The following HOMER1 variants were observed in gnomAD, a reference collection of about 807,000 sequenced individuals.
HOMER1 encodes homer protein homolog 1.
Under a neutral mutation model 48.9 loss-of-function variants are expected in HOMER1, and 3 were observed. That is an observed-to-expected ratio of 0.06 (90% CI 0.03 to 0.16). HOMER1 has a LOEUF of 0.16. Among genes scored for constraint, HOMER1 ranks in the 10% least tolerant of loss-of-function variants. The pLI is 1.00. For missense variants in HOMER1, 247 were observed against 411.4 expected, an observed-to-expected ratio of 0.60 and a Z score of 3.46; for synonymous variants, 134 against 146.4, an observed-to-expected ratio of 0.92 and a Z score of 0.61.
chr5:79,439,880 A>G (rs754868744), intron 4 of HOMER1, among the ~76,000 whole-genome samples: 1 of 152,196 alleles, frequency 6.6e-6, no homozygotes, highest in South Asian at 2.1e-4. Flanking sequence ...TGAATTTAAA[A>G]TGAAGCTCAA....
At position 79,493,265 on chromosome 5, in the gene HOMER1, A is replaced by AT. The variant is rs775733060; in HGVS notation, c.5+19504dup. On this transcript the variant is annotated intron_variant, in intron 1 of 8. Transcript: ENST00000334082. ...TCTACTGTGCTCTTCAGGTACAATA[A>AT]TAACTAGATTTAGACGGCTTCAAGA... Among the ~76,000 whole-genome samples, 23 of 152,286 alleles carry AT rather than the reference A, an allele frequency of 1.5e-4. 1 individual carries two copies. Among genetic ancestry groups the AT allele is most frequent in the Admixed American group, 7.2e-4 (11 of 15,294 alleles).
intron 1 of HOMER1, among the ~76,000 whole-genome samples, chr5:79,501,933 A>G (rs1356110628): frequency 6.6e-6 from 1 of 152,208 alleles, no homozygotes; most frequent in African/African-American, 2.4e-5. Context: ...CCAATCTTGA[A>G]AAGAATAAGA....
chr5:79,402,132 T>C (rs1749548734), intron 5 of HOMER1, 77 bp from the exon 6 acceptor site: 3 of 1,201,096 alleles, frequency 2.5e-6, no homozygotes, highest in Non-Finnish European at 3.5e-6. Flanking sequence ...GACTCAGTTC[T>C]ATTGTAGGGT....
intron 5 of HOMER1, 115 bp downstream of exon 5, chr5:79,438,895 A>G: frequency 1.4e-6 from 1 of 733,210 alleles, no homozygotes; most frequent in East Asian, 2.8e-5. Context: ...AAAAAAAAAA[A>G]GTCAAAGTCA....
At chr5:79,388,901 G>C (rs977055671) in intron 8 of HOMER1, among the ~76,000 whole-genome samples, 2 of 151,806 alleles carry the variant, frequency 1.3e-5, no homozygotes, top group African/African-American at 4.8e-5. Flanking sequence ...CATTAGAACA[G>C]AACTAGTATT....
intron 1 of HOMER1, 110 bp from the exon 2 acceptor site, chr5:79,457,128 T>C: frequency 2.0e-6 from 2 of 987,400 alleles, no homozygotes; most frequent in Non-Finnish European, 3.1e-6. Flanking sequence ...AATTTCCACA[T>C]ACCTGAAAGT....
At chr5:79,510,827 C>T in intron 1 of HOMER1, 6 of 732,200 alleles carry the variant, frequency 8.2e-6, no homozygotes, top group Non-Finnish European at 1.2e-5. Flanking sequence ...AAGGCCCAGG[C>T]TGCAGCTCCA....
chr5:79,463,791 A>G (rs898156914), intron 1 of HOMER1, among the ~76,000 whole-genome samples: 3 of 152,188 alleles, frequency 2.0e-5, no homozygotes, highest in African/African-American at 7.2e-5. Context: ...AGCAATTTAT[A>G]AGAATAACTG....
At chr5:79,506,772 G>A (rs529818928) in intron 1 of HOMER1, among the ~76,000 whole-genome samples, 1 of 152,186 alleles carries the variant, frequency 6.6e-6, no homozygotes, top group Admixed American at 6.5e-5. Flanking sequence ...GAGAGGTCAA[G>A]GCTGCAGTAA....
At chr5:79,460,805 T>C (rs2112308500) in intron 1 of HOMER1, among the ~76,000 whole-genome samples, 1 of 152,292 alleles carries the variant, frequency 6.6e-6, no homozygotes, top group East Asian at 1.9e-4. Flanking sequence ...CAAAAAATTT[T>C]CCAGCTCAAA....
intron 1 of HOMER1, among the ~76,000 whole-genome samples, chr5:79,496,525 C>T (rs1369624238): frequency 6.6e-6 from 1 of 152,112 alleles, no homozygotes; most frequent in African/African-American, 2.4e-5. Flanking sequence ...GAAAAACTTA[C>T]CATCTTAGAC....
intron 1 of HOMER1, among the ~76,000 whole-genome samples, chr5:79,500,963 G>C (rs752698518): frequency 0.082 from 8,306 of 101,218 alleles, 449 homozygotes; most frequent in African/African-American, 0.16. Flanking sequence ...GAGACAGACA[G>C]ACACACACAC....
rs59290866 is a variant in HOMER1 at position 79,410,489 on chromosome 5, CAA to C, written c.528-8436_528-8435del. On this transcript the variant is annotated intron_variant, in intron 5 of 8. Transcript: ENST00000334082. ...GGGTAACAAGAGTGAAACTCTATCT[CAA>C]AAAAAAAAAAAAAAAAGAAAAAAGA... Among the ~76,000 whole-genome samples, 327 of 105,138 alleles carry C rather than the reference CAA, an allele frequency of 3.1e-3. 3 individuals carry two copies. The East Asian group carries it at 0.035, about 11-fold the overall frequency. The allele number at this position is 105,138 out of a possible 152,430, so 69.0% of individuals were successfully genotyped here. A position where few individuals can be genotyped will look rare whatever the true frequency, so the allele number is the denominator to read the frequency against.
intron 1 of HOMER1, among the ~76,000 whole-genome samples, chr5:79,478,933 C>T (rs1028113115): frequency 5.3e-5 from 8 of 151,544 alleles, no homozygotes; most frequent in Non-Finnish European, 1.0e-4. Context: ...GCCTGGGTGA[C>T]AAAGCGAGAC....
rs768588814 is a variant in HOMER1, at chr5:79,396,554, A to AT, written c.876+268dup. Among the ~76,000 whole-genome samples, 1,318 of 150,922 alleles carry AT rather than the reference A, an allele frequency of 8.7e-3. 30 individuals carry two copies. Among genetic ancestry groups the AT allele is most frequent in the African/African-American group, 0.03 (1,245 of 41,154 alleles). On this transcript the variant is annotated intron_variant, in intron 8 of 8. Transcript: ENST00000334082. ...GAGCCACCATGCCCAAACCCAGAGT[A>AT]TTTTTTTTTAATTAAAAGTAGAAAT...
intron 1 of HOMER1, among the ~76,000 whole-genome samples, chr5:79,472,703 C>T (rs979694458): frequency 6.6e-6 from 1 of 151,918 alleles, no homozygotes; most frequent in Non-Finnish European, 1.5e-5. Flanking sequence ...CGCTTGAGCC[C>T]GTAAGTTTGA....
intron 8 of HOMER1, among the ~76,000 whole-genome samples, chr5:79,386,168 T>C (rs1387883246): frequency 6.6e-6 from 1 of 152,166 alleles, no homozygotes; most frequent in Non-Finnish European, 1.5e-5. Flanking sequence ...CACACTGGGA[T>C]GTTTATCACA....
At chr5:79,420,536 C>T (rs993958082) in intron 5 of HOMER1, among the ~76,000 whole-genome samples, 3 of 152,196 alleles carry the variant, frequency 2.0e-5, no homozygotes, top group African/African-American at 4.8e-5. Flanking sequence ...CTTTCCATAA[C>T]AGTAATTATA....
chr5:79,449,599 A>G (rs1475099929), intron 3 of HOMER1, among the ~76,000 whole-genome samples: 1 of 152,120 alleles, frequency 6.6e-6, no homozygotes, highest in African/African-American at 2.4e-5. Context: ...CAGCCTCCCA[A>G]GTAGCTGGGA....
Sources: allele counts gnomAD v4.1 joint callset (sites outside exome capture counted in the v4.1 genomes callset), GRCh38; gene constraint gnomAD v4.1.1; transcripts MANE v1.5; gene names NCBI Gene and HGNC (gene_info 2026-07-23, HGNC 2026-07-21).